ABCC1: variants seen among roughly 807,000 people sequenced by gnomAD.
ABCC1 encodes ATP binding cassette subfamily C member 1 (ABCC1 blood group).
In ABCC1, 83 loss-of-function variants were observed where a neutral mutation model predicts 172.9. The ratio of observed to expected loss-of-function variants is 0.48; its 90% CI spans 0.40 to 0.58. The LOEUF (loss-of-function observed/expected upper bound fraction) is 0.58, where lower values mean the gene tolerates loss of function less well. Among genes scored for constraint, ABCC1 ranks in the 20% least tolerant of loss-of-function variants. ABCC1 has a pLI of 0.00. For synonymous variants in ABCC1, 937 were observed against 825.2 expected (o/e 1.14, Z -2.32); for missense variants, 1,817 against 2,002.7 (o/e 0.91, Z 1.77).
intron 20 of ABCC1, among the ~76,000 whole-genome samples, chr16:16,104,731 C>T (rs58896213): frequency 0.043 from 6,469 of 152,206 alleles, 473 homozygotes; most frequent in African/African-American, 0.15. Context: ...GGCACTCGTC[C>T]GGGAGGCTCG....
intron 12 of ABCC1, among the ~76,000 whole-genome samples, chr16:16,067,828 G>A (rs911284690): frequency 5.3e-5 from 8 of 152,160 alleles, no homozygotes; most frequent in Non-Finnish European, 8.8e-5. Context: ...CAGAGGAAAC[G>A]TCAGGGGCAA....
In ABCC1 at chr16:16,079,367, C is replaced by T. The variant is rs1181691064; in HGVS notation, c.2004C>T (p.Ile668=). 3.1e-6 allele frequency: 5 copies of T among 1,614,010 alleles called. No homozygotes were observed. The Admixed American group carries it at 8.3e-5, about 27-fold the overall frequency. ...GTCGTTTCAGCATCACCTTCTCCAT[C>T]CCCGAAGGTGCTTTGGTGGCCGTGG... ...PPTLNGITFS[I]PEGALVAVVG... Residue 668 remains isoleucine (I), a synonymous_variant, in exon 16 of 31, where the codon ATC becomes ATT. Coordinates refer to ENST00000399410, the MANE Select transcript of ABCC1 (RefSeq NM_004996.4).
At chr16:16,023,397 A>G (rs188807326) in intron 5 of ABCC1, among the ~76,000 whole-genome samples, 84 of 152,300 alleles carry the variant, frequency 5.5e-4, no homozygotes, top group Non-Finnish European at 2.1e-4. Context: ...GGAATACTTT[A>G]AACCCCTGTC....
chr16:16,101,763 G>A (rs1335390895), intron 19 of ABCC1, among the ~76,000 whole-genome samples: 6 of 152,170 alleles, frequency 3.9e-5, no homozygotes, highest in South Asian at 2.1e-4. Flanking sequence ...GTGTTGACAC[G>A]ACACACGGTG....
intron 19 of ABCC1, among the ~76,000 whole-genome samples, chr16:16,091,459 A>C (rs372361735): frequency 2.2e-4 from 34 of 152,146 alleles, no homozygotes; most frequent in Non-Finnish European, 3.8e-4. Flanking sequence ...GGGGAAACAA[A>C]AAAGACAATG....
At chr16:16,106,123 C>T (rs1322741815) in intron 20 of ABCC1, among the ~76,000 whole-genome samples, 2 of 152,020 alleles carry the variant, frequency 1.3e-5, no homozygotes, top group African/African-American at 4.8e-5. Flanking sequence ...GTGATCCGCC[C>T]ACCTCGGCCT....
At chr16:15,972,092 G>T (rs1372021394) in intron 1 of ABCC1, among the ~76,000 whole-genome samples, 1 of 151,768 alleles carries the variant, frequency 6.6e-6, no homozygotes, top group Non-Finnish European at 1.5e-5. Flanking sequence ...GTCATGCTGG[G>T]TGGTTGCTGT....
At chr16:16,052,854 C>G in intron 11 of ABCC1, 38 bp downstream of exon 11, 1 of 1,595,864 alleles carries the variant, frequency 6.3e-7, no homozygotes, top group Non-Finnish European at 8.6e-7. Flanking sequence ...AAGCCGGGCC[C>G]TAGGCAGAGG....
chr16:16,083,125 C>T (rs768665330), intron 16 of ABCC1, among the ~76,000 whole-genome samples: 9 of 152,316 alleles, frequency 5.9e-5, no homozygotes, highest in Admixed American at 1.3e-4. Context: ...ATCTTATCAA[C>T]GAGGATATCA....
chr16:16,087,796 G>T (rs2051072531), intron 18 of ABCC1, among the ~76,000 whole-genome samples: 1 of 152,092 alleles, frequency 6.6e-6, no homozygotes, highest in Non-Finnish European at 1.5e-5. Flanking sequence ...TCCCCATGGG[G>T]GGCATATAGA....
chr16:16,103,025 G>T (rs568655268), intron 20 of ABCC1, among the ~76,000 whole-genome samples: 1 of 152,322 alleles, frequency 6.6e-6, no homozygotes, highest in South Asian at 2.1e-4. Context: ...GGCCTGGAAG[G>T]TTCAGGCTTT....
intron 1 of ABCC1, among the ~76,000 whole-genome samples, chr16:15,972,285 T>TA (rs2046387328): frequency 6.6e-6 from 1 of 152,162 alleles, no homozygotes; most frequent in Non-Finnish European, 1.5e-5. Context: ...ATCTATCTCT[T>TA]ACCTTGTATC....
chr16:16,022,609 C>A (rs1309677520), intron 5 of ABCC1, among the ~76,000 whole-genome samples: 2 of 152,138 alleles, frequency 1.3e-5, no homozygotes, highest in Non-Finnish European at 1.5e-5. Flanking sequence ...AAGTCAAACT[C>A]ATTTTAACAA....
chr16:16,014,412 G>T (rs587783373), intron 3 of ABCC1, 79 bp from the exon 4 acceptor site: 11 of 1,516,956 alleles, frequency 7.3e-6, no homozygotes, highest in Non-Finnish European at 8.9e-6. Flanking sequence ...GCACCACTGC[G>T]CTCCAGCCTG....
intron 22 of ABCC1, 132 bp downstream of exon 22, chr16:16,111,714 G>A (rs971220640): frequency 2.6e-6 from 2 of 755,894 alleles, no homozygotes; most frequent in Non-Finnish European, 4.3e-6. Context: ...AAAAATGGTA[G>A]CTGTCAGCTA....
In ABCC1 at chr16:16,083,394, C is replaced by T. The variant is rs1303795316; in HGVS notation, c.2144C>T (p.Ala715Val). Residue 715 changes from alanine (A) to valine (V), a missense_variant, in exon 17 of 31, where the codon GCC (alanine) becomes GTC (valine). Transcript: ENST00000399410. ...KGSVAYVPQQ[A>V]WIQNDSLREN... is the part of the protein sequence containing the mutation. ...TCCGTGGCCTATGTGCCACAGCAGGCCTGGATTCAGAATGATTCTCTCCGA... is the reference window on the plus strand; with the variant it reads ...TCCGTGGCCTATGTGCCACAGCAGGTCTGGATTCAGAATGATTCTCTCCGA... 1.4e-5 allele frequency: 22 copies of T among 1,613,618 alleles called. No individual in the cohort carries two copies. Among genetic ancestry groups the T allele is most frequent in the Non-Finnish European group, 1.9e-5 (22 of 1,180,032 alleles).
chr16:16,076,212 C>G, intron 14 of ABCC1, 114 bp from the exon 15 acceptor site: 2 of 989,144 alleles, frequency 2.0e-6, no homozygotes, highest in South Asian at 3.0e-5. Flanking sequence ...TAATGCCTAG[C>G]GCCATTCGTG....
chr16:16,069,831 C>G (rs2050266537), intron 13 of ABCC1, among the ~76,000 whole-genome samples: 1 of 152,130 alleles, frequency 6.6e-6, no homozygotes. Context: ...CGAGACCAGC[C>G]TGGCCAACAT....
At chr16:15,998,798 C>G (rs939369518) in intron 1 of ABCC1, among the ~76,000 whole-genome samples, 1 of 152,110 alleles carries the variant, frequency 6.6e-6, no homozygotes, top group Non-Finnish European at 1.5e-5. Context: ...CTTGAAAGGA[C>G]AACTTTTCTT....
Sources: allele counts gnomAD v4.1 joint callset (sites outside exome capture counted in the v4.1 genomes callset), GRCh38; gene constraint gnomAD v4.1.1; transcripts MANE v1.5; gene names NCBI Gene and HGNC (gene_info 2026-07-23, HGNC 2026-07-21).